FIRRM: variants seen among roughly 807,000 people sequenced by gnomAD.
FIRRM encodes FIGNL1 interacting regulator of recombination and mitosis.
the FIRRM span, among the ~76,000 whole-genome samples, chr1:169,812,024 A>C: frequency 6.6e-6 from 1 of 152,228 alleles, no homozygotes; most frequent in African/African-American, 2.4e-5. Context: ...CTTTGTTGGC[A>C]TTAAGATGCA....
chr1:169,784,504 AT>A, the FIRRM span, among the ~76,000 whole-genome samples: 3 of 152,004 alleles, frequency 2.0e-5, no homozygotes, highest in African/African-American at 7.3e-5. Flanking sequence ...TTTCTCTATC[AT>A]TCTTCATCTC....
chr1:169,798,196 A>C, the FIRRM span, among the ~76,000 whole-genome samples: 1 of 151,930 alleles, frequency 6.6e-6, no homozygotes, highest in African/African-American at 2.4e-5. Flanking sequence ...TGGGAGGATC[A>C]CTTTAGCCCA....
At chr1:169,847,983 GTTCTT>G in the FIRRM span, among the ~76,000 whole-genome samples, 4 of 151,604 alleles carry the variant, frequency 2.6e-5, no homozygotes, top group African/African-American at 9.7e-5. Flanking sequence ...CTCATTTTAA[GTTCTT>G]TTCTTTTAGA....
At chr1:169,795,191 C>T in the FIRRM span, 60 of 1,536,064 alleles carry the variant, frequency 3.9e-5, no homozygotes, top group Admixed American at 8.2e-4. Context: ...CGGGAACTGC[C>T]GTCCGTCCTG....
At chr1:169,797,418 T>G in the FIRRM span, among the ~76,000 whole-genome samples, 1 of 152,258 alleles carries the variant, frequency 6.6e-6, no homozygotes, top group East Asian at 1.9e-4. Context: ...CTGAAATTTT[T>G]TCATGAGGCC....
chr1:169,843,225 AAT>A, the FIRRM span, among the ~76,000 whole-genome samples: 1 of 152,218 alleles, frequency 6.6e-6, no homozygotes, highest in Non-Finnish European at 1.5e-5. Context: ...GGCTTCAACA[AAT>A]ACTTTTCCTG....
At chr1:169,800,243 G>A in the FIRRM span, among the ~76,000 whole-genome samples, 1 of 151,626 alleles carries the variant, frequency 6.6e-6, no homozygotes, top group Non-Finnish European at 1.5e-5. Flanking sequence ...ATGAGGTCTT[G>A]TCATGTTTCC....
chr1:169,852,156 T>C, the FIRRM span: 2 of 606,608 alleles, frequency 3.3e-6, no homozygotes, highest in Non-Finnish European at 5.7e-6. Context: ...GAATTATTGG[T>C]AGTAACCTTT....
chr1:169,787,381 G>T, the FIRRM span, among the ~76,000 whole-genome samples: 21 of 152,296 alleles, frequency 1.4e-4, no homozygotes. Flanking sequence ...TGCTAAGTCA[G>T]TTTAGCAAGA....
chr1:169,802,661 G>C, the FIRRM span: 2 of 1,613,106 alleles, frequency 1.2e-6, no homozygotes, highest in Non-Finnish European at 8.5e-7. Flanking sequence ...GAATTAACCA[G>C]TCAAGCCAGA....
At chr1:169,824,931 A>T in the FIRRM span, among the ~76,000 whole-genome samples, 10 of 152,200 alleles carry the variant, frequency 6.6e-5, no homozygotes, top group Admixed American at 5.9e-4. Context: ...AATTGTCCCA[A>T]ACTGAACTCT....
the FIRRM span, chr1:169,850,213 T>C: frequency 2.4e-6 from 3 of 1,228,890 alleles, no homozygotes; most frequent in East Asian, 2.3e-5. Flanking sequence ...CTATTTGTCT[T>C]TGCAAGTTGT....
At chr1:169,852,951 G>A in the FIRRM span, 7 of 1,613,930 alleles carry the variant, frequency 4.3e-6, no homozygotes, top group South Asian at 7.7e-5. Flanking sequence ...AAGAAAGGAT[G>A]GATAAGCTAA....
At chr1:169,811,014 C>T in the FIRRM span, among the ~76,000 whole-genome samples, 191 of 151,458 alleles carry the variant, frequency 1.3e-3, no homozygotes, top group African/African-American at 4.3e-3. Flanking sequence ...CGCCTGCCAC[C>T]GCGCCCGGCT....
the FIRRM span, chr1:169,830,734 T>C: frequency 1.9e-6 from 3 of 1,613,872 alleles, no homozygotes; most frequent in Non-Finnish European, 2.5e-6. Flanking sequence ...CATGTCACCA[T>C]AGTGGCTCAT....
the FIRRM span, among the ~76,000 whole-genome samples, chr1:169,789,375 T>C: frequency 6.6e-5 from 10 of 152,296 alleles, no homozygotes; most frequent in Admixed American, 1.3e-4. Context: ...CTGACACTTA[T>C]CCACCCCACA....
At chr1:169,807,278 T>C in the FIRRM span, among the ~76,000 whole-genome samples, 1 of 152,186 alleles carries the variant, frequency 6.6e-6, no homozygotes, top group Non-Finnish European at 1.5e-5. Context: ...TTACTGTCTT[T>C]CAGTTCTCAG....
At chr1:169,785,874 C>A in the FIRRM span, among the ~76,000 whole-genome samples, 1 of 152,042 alleles carries the variant, frequency 6.6e-6, no homozygotes. Context: ...TTCTTTAGAC[C>A]AATTATGGGT....
chr1:169,803,818 A>T, the FIRRM span, among the ~76,000 whole-genome samples: 2 of 152,182 alleles, frequency 1.3e-5, no homozygotes, highest in Admixed American at 1.3e-4. Context: ...CTTTGCTGAT[A>T]GGATGCTAAA....
Sources: gnomAD v4.1 joint callset for allele counts (sites outside exome capture counted in the v4.1 genomes callset) on GRCh38, gnomAD v4.1.1 for gene constraint, MANE v1.5 for transcripts, NCBI Gene and HGNC (gene_info 2026-07-23, HGNC 2026-07-21) for gene names.